DBNDD1: variants seen among roughly 807,000 people sequenced by gnomAD.
The protein encoded by DBNDD1 is dysbindin domain-containing protein 1.
In DBNDD1, 14 loss-of-function variants were observed where a neutral mutation model predicts 17.0. The ratio of observed to expected loss-of-function variants is 0.82; its 90% CI spans 0.54 to 1.29. The LOEUF (loss-of-function observed/expected upper bound fraction) is 1.29. Ranked by LOEUF, DBNDD1 falls within the 50% of genes most tolerant of loss-of-function variation. The pLI is 0.00. For synonymous variants in DBNDD1, 105 were observed against 102.0 expected (o/e 1.03, Z -0.18); for missense variants, 221 against 216.2 (o/e 1.02, Z -0.14).
In DBNDD1 at chr16:90,006,172, G is replaced by T; in HGVS notation, c.*163C>A. On this transcript the variant is annotated 3_prime_UTR_variant, in exon 4 of 4. Transcript: ENST00000002501. ...CGAAGACCCGTGCCCAGCAGACAAGGCCGGTCTCGGGGCTGGCAGAGAGCT... is the reference window on the plus strand; with the variant it reads ...CGAAGACCCGTGCCCAGCAGACAAGTCCGGTCTCGGGGCTGGCAGAGAGCT... The T allele has an allele frequency of 1.9e-6, 2 of 1,031,230 alleles. No homozygotes were observed. Among genetic ancestry groups the T allele is most frequent in the Non-Finnish European group, 2.7e-6 (2 of 730,494 alleles). The allele number at this position is 1,031,230 out of a possible 1,614,324, so 63.9% of individuals were successfully genotyped here.
intron 1 of DBNDD1, chr16:90,011,646 C>G (rs539840200): frequency 2.2e-6 from 1 of 454,756 alleles, no homozygotes; most frequent in African/African-American, 2.0e-5. Context: ...GGGGGTTGGG[C>G]GGGCTGGACG....
intron 1 of DBNDD1, among the ~76,000 whole-genome samples, chr16:90,017,323 G>C (rs949966637): frequency 3.3e-5 from 5 of 152,094 alleles, no homozygotes; most frequent in Non-Finnish European, 5.9e-5. Flanking sequence ...GTGAAACCCC[G>C]TCTCTACTAA....
intron 1 of DBNDD1, among the ~76,000 whole-genome samples, chr16:90,016,353 T>G (rs1346215668): frequency 6.6e-6 from 1 of 152,204 alleles, no homozygotes; most frequent in East Asian, 1.9e-4. Flanking sequence ...AGAAAATTCC[T>G]CACGGGCGAG....
chr16:90,013,922 G>A (rs2151263995), intron 1 of DBNDD1, among the ~76,000 whole-genome samples: 1 of 151,598 alleles, frequency 6.6e-6, no homozygotes, highest in African/African-American at 2.4e-5. Flanking sequence ...GTGTGATACT[G>A]GGTGGGGCGG....
intron 1 of DBNDD1, among the ~76,000 whole-genome samples, chr16:90,017,427 G>A (rs1409528283): frequency 1.3e-5 from 2 of 152,112 alleles, no homozygotes; most frequent in Admixed American, 6.5e-5. Flanking sequence ...CCCGGGAGGT[G>A]GAGGTTGCAG....
rs564938240 is a variant in DBNDD1, at chr16:90,015,060, C to T, written c.31+4251G>A. 2.0e-5 allele frequency among the ~76,000 whole-genome samples: 3 copies of T among 151,524 alleles called. No homozygotes were observed. The East Asian group carries it at 5.8e-4, about 29-fold the overall frequency. On this transcript the variant is annotated intron_variant, in intron 1 of 3. Coordinates refer to ENST00000002501, the MANE Select transcript of DBNDD1 (RefSeq NM_001042610.3). The stretch of plus-strand genomic sequence containing the variant: ...TTTCCACATTCTTGAGACAGCAACA[C>T]ATCTGTAGCTGATGGTGTCAGCGTT...
At chr16:90,006,573 C>G (rs999901302) in intron 3 of DBNDD1, 81 bp from the exon 4 acceptor site, 1 of 1,507,008 alleles carries the variant, frequency 6.6e-7, no homozygotes, top group Non-Finnish European at 8.9e-7. Context: ...CCGCCGGCCT[C>G]CTGCGCCACT....
At chr16:90,012,874 C>T (rs1371457088) in intron 1 of DBNDD1, among the ~76,000 whole-genome samples, 1 of 152,062 alleles carries the variant, frequency 6.6e-6, no homozygotes, top group Non-Finnish European at 1.5e-5. Flanking sequence ...CTTCAGCCTC[C>T]TGAGTAGCTG....
Position 90,009,440 on chromosome 16 carries a change from A to G in DBNDD1, c.32-10T>C. ...GCCTCCTTAACGATCTCTGCATCCA[A>G]AGACACAGTGTCACCTTGAGATCCA... On this transcript the variant is annotated splice_polypyrimidine_tract_variant and intron_variant, in intron 1 of 3. Coordinates refer to ENST00000002501, the MANE Select transcript of DBNDD1 (RefSeq NM_001042610.3). 2 of 1,609,190 alleles carry G rather than the reference A, an allele frequency of 1.2e-6. No individual in the cohort carries two copies. The highest frequency in any genetic ancestry group is 1.7e-6 in the Non-Finnish European group (2 of 1,179,930).
intron 1 of DBNDD1, among the ~76,000 whole-genome samples, chr16:90,017,126 C>T (rs991798812): frequency 3.3e-5 from 5 of 152,234 alleles, no homozygotes; most frequent in Admixed American, 6.5e-5. Flanking sequence ...CGTGCACCTC[C>T]GTGTTCTGTA....
chr16:90,008,010 C>A (rs1394901066), intron 3 of DBNDD1, among the ~76,000 whole-genome samples: 4 of 149,326 alleles, frequency 2.7e-5, no homozygotes, highest in East Asian at 2.1e-4. Flanking sequence ...GGCCTCACCC[C>A]CCAAACACAC....
At position 90,019,290 on chromosome 16, in the gene DBNDD1, G is replaced by T; in HGVS notation, c.31+21C>A. 1 of 1,210,144 alleles carries T rather than the reference G, an allele frequency of 8.3e-7. No individual in the cohort carries two copies. Among genetic ancestry groups the T allele is most frequent in the Non-Finnish European group, 1.0e-6 (1 of 970,986 alleles). The allele number at this position is 1,210,144 out of a possible 1,614,324, so 75.0% of individuals were successfully genotyped here. Reference sequence around the variant, plus strand: ...CGGGGAAGCGCTGCGCGGGGGTCTCGGGGGCTGGGGCTGAACTCACCTCCG... The same window carrying T: ...CGGGGAAGCGCTGCGCGGGGGTCTCTGGGGCTGGGGCTGAACTCACCTCCG... On this transcript the variant is annotated intron_variant, in intron 1 of 3. Transcript: ENST00000002501. The surrounding 1 kb of genome is among the most constrained non-coding windows in gnomAD (Gnocchi z 6.1).
intron 1 of DBNDD1, among the ~76,000 whole-genome samples, chr16:90,018,908 G>C (rs2035703738): frequency 6.6e-6 from 1 of 152,200 alleles, no homozygotes; most frequent in African/African-American, 2.4e-5. Context: ...GGCGAACAAA[G>C]CGGACGCGCT....
At position 90,006,255 on chromosome 16, in the gene DBNDD1, G is replaced by A. The variant is rs2035420837; in HGVS notation, c.*80C>T. 1.3e-6 allele frequency: 2 copies of A among 1,494,122 alleles called. No individual in the cohort carries two copies. Among genetic ancestry groups the A allele is most frequent in the Non-Finnish European group, 1.8e-6 (2 of 1,114,150 alleles). The allele number at this position is 1,494,122 out of a possible 1,614,324, so 92.6% of individuals were successfully genotyped here. On this transcript the variant is annotated 3_prime_UTR_variant, in exon 4 of 4. Transcript: ENST00000002501. ...GGAGCCTCGTGGGCGGGTGAAGTGT[G>A]TCTGCTGGGTCAGCACTGCCCAGAT...
At chr16:90,007,930 C>T (rs1185677880) in intron 3 of DBNDD1, among the ~76,000 whole-genome samples, 1 of 144,446 alleles carries the variant, frequency 6.9e-6, no homozygotes, top group Non-Finnish European at 1.5e-5. Flanking sequence ...GGCCTCACCC[C>T]CCAAACACAC....
At chr16:90,012,899 G>A (rs746802344) in intron 1 of DBNDD1, among the ~76,000 whole-genome samples, 1 of 151,756 alleles carries the variant, frequency 6.6e-6, no homozygotes, top group Non-Finnish European at 1.5e-5. Flanking sequence ...CACCACTCCT[G>A]GCTAATTAAA....
At chr16:90,009,545 G>T in intron 1 of DBNDD1, 115 bp from the exon 2 acceptor site, 1 of 1,482,034 alleles carries the variant, frequency 6.7e-7, no homozygotes, top group South Asian at 1.2e-5. Context: ...TCTGGGCAGT[G>T]ACCAGCAGGT....
upstream of DBNDD1, chr16:90,019,845 C>T (rs1186812920): frequency 4.4e-6 from 3 of 684,490 alleles, no homozygotes; most frequent in South Asian, 3.0e-5. This position sits in a 1 kb window ranked among gnomAD's most constrained non-coding sequence, Gnocchi z 6.1. Context: ...GCCTGACTCG[C>T]GCTGGGTAAT....
chr16:90,006,268 G>C lies in DBNDD1; in HGVS notation c.*67C>G, dbSNP rs2035421100. 5.9e-6 allele frequency: 9 copies of C among 1,525,952 alleles called. No individual in the cohort carries two copies. In the East Asian group the frequency reaches 2.1e-4, roughly 36 times the overall value. 94.5% of individuals were successfully genotyped at this position (1,525,952 alleles called of 1,614,324 possible). On this transcript the variant is annotated 3_prime_UTR_variant, in exon 4 of 4. Coordinates refer to ENST00000002501, the MANE Select transcript of DBNDD1 (RefSeq NM_001042610.3). ...CGGGTGAAGTGTGTCTGCTGGGTCA[G>C]CACTGCCCAGATCTGCCATCGTGTT...
Sources: allele counts gnomAD v4.1 joint callset (sites outside exome capture counted in the v4.1 genomes callset), GRCh38; gene constraint gnomAD v4.1.1; non-coding constraint Gnocchi (gnomAD v3.1); transcripts MANE v1.5; gene names NCBI Gene and HGNC (gene_info 2026-07-23, HGNC 2026-07-21).